Variants in KCNK13 observed in about 807,000 individuals in gnomAD.
The protein encoded by KCNK13 is potassium two pore domain channel subfamily K member 13, also known as potassium channel subfamily K member 13.
Under a neutral mutation model 23.4 loss-of-function variants are expected in KCNK13, and 12 were observed. That is an observed-to-expected ratio of 0.51 (90% confidence interval 0.33 to 0.83). The LOEUF is 0.83. KCNK13 is among the 40% of genes least tolerant of loss of function. KCNK13 has a pLI of 0.02. For synonymous variants in KCNK13, 231 were observed against 229.5 expected, an observed-to-expected ratio of 1.01 and a Z score of -0.06; for missense variants, 463 against 556.3, an observed-to-expected ratio of 0.83 and a Z score of 1.69.
At chr14:90,168,896 A>G (rs1036039420) in intron 1 of KCNK13, among the ~76,000 whole-genome samples, 2 of 152,176 alleles carry the variant, frequency 1.3e-5, no homozygotes, top group African/African-American at 4.8e-5. Context: ...TACTGTTCTC[A>G]CAGTAGTGAG....
intron 1 of KCNK13, among the ~76,000 whole-genome samples, chr14:90,145,089 A>G (rs1485006233): frequency 6.6e-6 from 1 of 152,092 alleles, no homozygotes; most frequent in Non-Finnish European, 1.5e-5. Flanking sequence ...TTGATATGGT[A>G]AATTACATTG....
At chr14:90,095,881 TCTGA>T (rs949639986) in intron 1 of KCNK13, among the ~76,000 whole-genome samples, 6 of 152,188 alleles carry the variant, frequency 3.9e-5, no homozygotes, top group African/African-American at 1.4e-4. Flanking sequence ...GATCTGTGCT[TCTGA>T]CTGACTGGCA....
intron 1 of KCNK13, among the ~76,000 whole-genome samples, chr14:90,172,637 G>GTCT (rs1555353359): frequency 5.8e-5 from 6 of 104,318 alleles, no homozygotes; most frequent in Admixed American, 4.4e-4. Flanking sequence ...TATTGTTCTG[G>GTCT]TGTTATATGA....
intron 1 of KCNK13, among the ~76,000 whole-genome samples, chr14:90,102,378 TA>T (rs1338745370): frequency 5.3e-5 from 8 of 152,162 alleles, no homozygotes; most frequent in Non-Finnish European, 8.8e-5. Context: ...GTATCTTCAT[TA>T]ATTGATGTAA....
At chr14:90,174,404 A>G (rs991287842) in intron 1 of KCNK13, among the ~76,000 whole-genome samples, 7 of 152,322 alleles carry the variant, frequency 4.6e-5, no homozygotes, top group African/African-American at 1.7e-4. Flanking sequence ...AACTGCCCCC[A>G]TGATCCAATC....
intron 1 of KCNK13, among the ~76,000 whole-genome samples, chr14:90,117,558 C>A (rs1248438408): frequency 6.6e-6 from 1 of 152,184 alleles, no homozygotes; most frequent in Non-Finnish European, 1.5e-5. Context: ...CCATTGCACT[C>A]CAGCCTGGGC....
At chr14:90,078,989 T>C (rs763015339) in intron 1 of KCNK13, among the ~76,000 whole-genome samples, 29 of 152,180 alleles carry the variant, frequency 1.9e-4, no homozygotes, top group Non-Finnish European at 2.9e-5. Context: ...CACACAGGGT[T>C]TTACTCTATC....
At chr14:90,101,139 C>T (rs555625493) in intron 1 of KCNK13, among the ~76,000 whole-genome samples, 6 of 152,264 alleles carry the variant, frequency 3.9e-5, no homozygotes, top group African/African-American at 1.4e-4. Context: ...ATAATCACAC[C>T]TCAGAGTTGT....
chr14:90,082,788 A>T (rs762439574), intron 1 of KCNK13, among the ~76,000 whole-genome samples: 1 of 152,188 alleles, frequency 6.6e-6, no homozygotes, highest in Non-Finnish European at 1.5e-5. Flanking sequence ...GTGTGGACAT[A>T]TGTTTTCATT....
chr14:90,130,361 G>C (rs990444151), intron 1 of KCNK13, among the ~76,000 whole-genome samples: 1 of 151,554 alleles, frequency 6.6e-6, no homozygotes, highest in Non-Finnish European at 1.5e-5. Context: ...CACCACGCCC[G>C]GCTAATTTTT....
chr14:90,139,829 G>T (rs771744259), intron 1 of KCNK13, among the ~76,000 whole-genome samples: 2 of 152,144 alleles, frequency 1.3e-5, no homozygotes, highest in Admixed American at 1.3e-4. Flanking sequence ...GGGCGTCATG[G>T]CACACGCCTG....
At chr14:90,112,412 C>G (rs1889626410) in intron 1 of KCNK13, among the ~76,000 whole-genome samples, 2 of 152,182 alleles carry the variant, frequency 1.3e-5, no homozygotes, top group South Asian at 4.1e-4. Flanking sequence ...GCCAGTAGAG[C>G]ATCTCTAGAG....
intron 1 of KCNK13, among the ~76,000 whole-genome samples, chr14:90,072,785 CAT>C (rs934864555): frequency 2.6e-5 from 4 of 152,270 alleles, no homozygotes; most frequent in East Asian, 1.9e-4. Flanking sequence ...AAGAATTCCA[CAT>C]GTTTATATGA....
At chr14:90,179,665 G>A (rs546407421) in intron 1 of KCNK13, among the ~76,000 whole-genome samples, 1 of 152,102 alleles carries the variant, frequency 6.6e-6, no homozygotes, top group Admixed American at 6.5e-5. Context: ...CCCAGACTCG[G>A]GCTGAACACC....
intron 1 of KCNK13, among the ~76,000 whole-genome samples, chr14:90,092,002 G>A (rs1446857176): frequency 6.7e-6 from 1 of 149,820 alleles, no homozygotes; most frequent in Non-Finnish European, 1.5e-5. Context: ...GCTCACTGCA[G>A]GCTCTGCCTC....
intron 1 of KCNK13, among the ~76,000 whole-genome samples, chr14:90,094,645 C>CTTTT (rs778654067): frequency 1.8e-4 from 20 of 111,646 alleles, no homozygotes; most frequent in Non-Finnish European, 2.5e-4. Flanking sequence ...TCTTTTTTTT[C>CTTTT]TTTTTTTTTT....
intron 1 of KCNK13, among the ~76,000 whole-genome samples, chr14:90,166,963 G>A (rs1890310784): frequency 6.6e-6 from 1 of 152,132 alleles, no homozygotes; most frequent in Admixed American, 6.5e-5. Flanking sequence ...ATAAGTTGTG[G>A]GCATGACACA....
intron 1 of KCNK13, among the ~76,000 whole-genome samples, chr14:90,111,755 G>A (rs1020847591): frequency 2.0e-5 from 3 of 152,202 alleles, no homozygotes; most frequent in Admixed American, 1.3e-4. Flanking sequence ...CCTCTGTGCA[G>A]GCAGTTGCTT....
intron 1 of KCNK13, among the ~76,000 whole-genome samples, chr14:90,093,745 T>C (rs1230965403): frequency 6.6e-6 from 1 of 152,156 alleles, no homozygotes; most frequent in Non-Finnish European, 1.5e-5. Flanking sequence ...GTGGCATCCC[T>C]CCCAGCCATC....
Sources: allele counts gnomAD v4.1 joint callset (sites outside exome capture counted in the v4.1 genomes callset), GRCh38; gene constraint gnomAD v4.1.1; transcripts MANE v1.5; gene names NCBI Gene and HGNC (gene_info 2026-07-23, HGNC 2026-07-21).